Variants in ILRUN observed in about 807,000 individuals in gnomAD.
ILRUN encodes inflammation and lipid regulator with UBA-like and NBR1-like domains, also known as protein ILRUN.
ILRUN carries 3 observed loss-of-function variants against 33.8 expected under a neutral mutation model. That is an observed-to-expected ratio of 0.09 (90% CI 0.04 to 0.23). ILRUN has a LOEUF of 0.23. Ranked by LOEUF, ILRUN falls within the 10% of genes least tolerant of loss-of-function variation. ILRUN has a pLI of 1.00. For missense variants in ILRUN, 210 were observed against 375.1 expected, an observed-to-expected ratio of 0.56 and a Z score of 3.64; for synonymous variants, 124 against 138.9, an observed-to-expected ratio of 0.89 and a Z score of 0.75.
At chr6:34,600,478 T>C (rs1056100925) in intron 4 of ILRUN, among the ~76,000 whole-genome samples, 2 of 152,214 alleles carry the variant, frequency 1.3e-5, no homozygotes, top group Non-Finnish European at 2.9e-5. Flanking sequence ...CTCAGTATAT[T>C]CAAAGGGAGA....
chr6:34,669,805 T>C (rs903638014), intron 1 of ILRUN, among the ~76,000 whole-genome samples: 1 of 152,098 alleles, frequency 6.6e-6, no homozygotes, highest in African/African-American at 2.4e-5. Flanking sequence ...TATACTGATA[T>C]ATGCTAAAGC....
intron 1 of ILRUN, among the ~76,000 whole-genome samples, chr6:34,666,148 A>C (rs1259165191): frequency 1.3e-5 from 2 of 152,244 alleles, no homozygotes; most frequent in East Asian, 3.8e-4. Flanking sequence ...TAATACTACC[A>C]AAGAATGCCA....
At chr6:34,695,378 C>A (rs1463890830) in intron 1 of ILRUN, among the ~76,000 whole-genome samples, 2 of 152,212 alleles carry the variant, frequency 1.3e-5, no homozygotes, top group Non-Finnish European at 2.9e-5. Flanking sequence ...AAAGTCTAAT[C>A]GTCTCCACTG....
At chr6:34,631,928 T>C (rs9366860) in intron 3 of ILRUN, among the ~76,000 whole-genome samples, 8,074 of 151,572 alleles carry the variant, frequency 0.053, 349 homozygotes, top group East Asian at 0.21. Flanking sequence ...TAATAGTTTA[T>C]AGTTTAGTTA....
intron 3 of ILRUN, among the ~76,000 whole-genome samples, chr6:34,623,015 T>G (rs574022882): frequency 6.6e-6 from 1 of 152,236 alleles, no homozygotes; most frequent in Non-Finnish European, 1.5e-5. Flanking sequence ...TACTATATAA[T>G]TCCACGTATG....
intron 1 of ILRUN, among the ~76,000 whole-genome samples, chr6:34,681,789 G>A (rs1478657320): frequency 6.8e-6 from 1 of 146,790 alleles, no homozygotes; most frequent in Non-Finnish European, 1.5e-5. Flanking sequence ...GTAAGAATTT[G>A]TTGCTTAATC....
chr6:34,649,108 T>C (rs1215118943), intron 2 of ILRUN, among the ~76,000 whole-genome samples: 1 of 152,232 alleles, frequency 6.6e-6, no homozygotes, highest in East Asian at 1.9e-4. Flanking sequence ...GTGGAGTATT[T>C]AAAGAACCTC....
At chr6:34,632,950 C>A (rs1424384744) in intron 3 of ILRUN, among the ~76,000 whole-genome samples, 1 of 152,064 alleles carries the variant, frequency 6.6e-6, no homozygotes, top group African/African-American at 2.4e-5. Flanking sequence ...TCAAACATTT[C>A]AATAATTATA....
At chr6:34,665,256 G>A (rs7759296) in intron 1 of ILRUN, among the ~76,000 whole-genome samples, 4,212 of 130,846 alleles carry the variant, frequency 0.032, 165 homozygotes, top group African/African-American at 0.098. Flanking sequence ...AGGAGTTCAA[G>A]ACCAGCCTGG....
intron 4 of ILRUN, among the ~76,000 whole-genome samples, chr6:34,595,015 C>G (rs1338872820): frequency 6.6e-6 from 1 of 152,216 alleles, no homozygotes; most frequent in Non-Finnish European, 1.5e-5. Context: ...AGCCACTGTG[C>G]TCAGCCCTAA....
rs554845051 is a variant in ILRUN at position 34,691,080 on chromosome 6, G to A, written c.158+5366C>T. ...TTTTTTTGTATTTTTAGTAGAGACGGGGTTCCACCATGTTAGCCAGGATGG... is the reference window on the plus strand; with the variant it reads ...TTTTTTTGTATTTTTAGTAGAGACGAGGTTCCACCATGTTAGCCAGGATGG... On this transcript the variant is annotated intron_variant, in intron 1 of 4. Coordinates refer to ENST00000374023, the MANE Select transcript of ILRUN (RefSeq NM_024294.4). 4.6e-5 allele frequency among the ~76,000 whole-genome samples: 7 copies of A among 152,120 alleles called. No homozygotes were observed. The East Asian group carries it at 1.4e-3, about 29-fold the overall frequency.
chr6:34,670,689 A>G (rs1443542114), intron 1 of ILRUN, among the ~76,000 whole-genome samples: 2 of 146,970 alleles, frequency 1.4e-5, no homozygotes, highest in African/African-American at 5.0e-5. Flanking sequence ...TGTCTCTACT[A>G]AAAAAAAAAT....
intron 4 of ILRUN, among the ~76,000 whole-genome samples, chr6:34,591,313 A>C (rs1178415312): frequency 6.6e-6 from 1 of 152,150 alleles, no homozygotes; most frequent in East Asian, 1.9e-4. Flanking sequence ...CAACATAGTC[A>C]GAACCCACCC....
chr6:34,631,831 C>G (rs1762252678), intron 3 of ILRUN, among the ~76,000 whole-genome samples: 1 of 151,872 alleles, frequency 6.6e-6, no homozygotes, highest in Non-Finnish European at 1.5e-5. Flanking sequence ...AATGGTTGCA[C>G]AACACCATAA....
intron 1 of ILRUN, among the ~76,000 whole-genome samples, chr6:34,687,385 A>AT (rs1437226372): frequency 1.3e-5 from 2 of 152,166 alleles, no homozygotes; most frequent in African/African-American, 4.8e-5. Context: ...ACCCACTAAG[A>AT]TGGCTATAGT....
At chr6:34,617,928 G>A (rs1398169868) in intron 3 of ILRUN, among the ~76,000 whole-genome samples, 1 of 152,176 alleles carries the variant, frequency 6.6e-6, no homozygotes, top group African/African-American at 2.4e-5. Flanking sequence ...GGCACTGATA[G>A]GAGAACTGAA....
intron 1 of ILRUN, among the ~76,000 whole-genome samples, chr6:34,692,431 G>A (rs1763666759): frequency 6.6e-6 from 1 of 152,180 alleles, no homozygotes; most frequent in Non-Finnish European, 1.5e-5. Context: ...AATCATCAGA[G>A]CAAGTTGAGA....
chr6:34,626,678 T>C (rs1003506952), intron 3 of ILRUN, among the ~76,000 whole-genome samples: 7 of 152,208 alleles, frequency 4.6e-5, no homozygotes, highest in African/African-American at 9.6e-5. Context: ...TTCTACGGGT[T>C]TGGACAAATG....
At chr6:34,647,324 G>A (rs533339511) in intron 2 of ILRUN, among the ~76,000 whole-genome samples, 1 of 152,078 alleles carries the variant, frequency 6.6e-6, no homozygotes, top group East Asian at 1.9e-4. Flanking sequence ...TTTCTTCTGG[G>A]GTCCATAACT....
Sources: allele counts gnomAD v4.1 joint callset (sites outside exome capture counted in the v4.1 genomes callset), GRCh38; gene constraint gnomAD v4.1.1; transcripts MANE v1.5; gene names NCBI Gene and HGNC (gene_info 2026-07-23, HGNC 2026-07-21).